TGFBR3: variants seen among roughly 807,000 people sequenced by gnomAD.
The protein encoded by TGFBR3 is transforming growth factor beta receptor type 3.
TGFBR3 carries 46 observed loss-of-function variants against 87.9 expected under a neutral mutation model. That is an observed-to-expected ratio of 0.52 (90% CI 0.41 to 0.67). The LOEUF is 0.67. Among genes scored for constraint, TGFBR3 ranks in the 30% least tolerant of loss-of-function variants. The pLI is 0.00. For synonymous variants in TGFBR3, 381 were observed against 391.6 expected, an observed-to-expected ratio of 0.97 and a Z score of 0.32; for missense variants, 866 against 1,041.9, an observed-to-expected ratio of 0.83 and a Z score of 2.32.
chr1:91,829,013 T>A (rs1676750323), intron 2 of TGFBR3, among the ~76,000 whole-genome samples: 1 of 152,034 alleles, frequency 6.6e-6, no homozygotes, highest in Non-Finnish European at 1.5e-5. Flanking sequence ...ATGCCAGCAC[T>A]CTCTACCTCC....
At chr1:91,902,966 G>A (rs1190883289) in intron 1 of TGFBR3, among the ~76,000 whole-genome samples, 1 of 149,176 alleles carries the variant, frequency 6.7e-6, no homozygotes, top group African/African-American at 2.5e-5. Context: ...ACTGGGTTTT[G>A]TGTATTTTTT....
chr1:91,690,880 T>A (rs1002919171), intron 16 of TGFBR3, among the ~76,000 whole-genome samples: 6 of 152,076 alleles, frequency 3.9e-5, no homozygotes, highest in Non-Finnish European at 8.8e-5. Flanking sequence ...AATCAATACA[T>A]CCCACCCACA....
At chr1:91,858,676 G>A (rs1678061207) in intron 2 of TGFBR3, among the ~76,000 whole-genome samples, 2 of 147,948 alleles carry the variant, frequency 1.4e-5, no homozygotes, top group South Asian at 2.2e-4. Context: ...ATTATGTTGT[G>A]CAAAAGGGAA....
At chr1:91,873,623 T>G (rs1199706312) in intron 1 of TGFBR3, among the ~76,000 whole-genome samples, 1 of 152,058 alleles carries the variant, frequency 6.6e-6, no homozygotes, top group African/African-American at 2.4e-5. Flanking sequence ...TTTAATGCCC[T>G]GAGTGCACCT....
intron 16 of TGFBR3, 119 bp from the exon 17 acceptor site, chr1:91,683,976 A>G: frequency 1.2e-6 from 1 of 846,514 alleles, no homozygotes; most frequent in Non-Finnish European, 1.9e-6. Context: ...CAACCAGGGC[A>G]GAAGCAACTA....
chr1:91,796,096 T>C (rs1400797423), intron 3 of TGFBR3, among the ~76,000 whole-genome samples: 1 of 152,192 alleles, frequency 6.6e-6, no homozygotes, highest in African/African-American at 2.4e-5. Context: ...TATACTTCAC[T>C]ATGATCAGGA....
At chr1:91,704,644 G>A (rs1016551306) in intron 14 of TGFBR3, among the ~76,000 whole-genome samples, 10 of 152,200 alleles carry the variant, frequency 6.6e-5, no homozygotes, top group African/African-American at 2.4e-4. Flanking sequence ...CTCAACAAAT[G>A]TTAGATCATC....
chr1:91,724,235 C>A (rs1199808406), intron 7 of TGFBR3, among the ~76,000 whole-genome samples: 132 of 152,128 alleles, frequency 8.7e-4, no homozygotes, highest in African/African-American at 2.9e-3. Flanking sequence ...AGGAAAGAAA[C>A]AAAGAGGAAG....
intron 4 of TGFBR3, chr1:91,755,023 C>T (rs1440566615): frequency 6.6e-6 from 1 of 152,150 alleles, no homozygotes; most frequent in Non-Finnish European, 1.5e-5. Flanking sequence ...GTCAAGAGAC[C>T]CATTCGCTTT....
intron 5 of TGFBR3, among the ~76,000 whole-genome samples, chr1:91,732,747 G>A (rs998591137): frequency 6.6e-6 from 1 of 152,114 alleles, no homozygotes; most frequent in Non-Finnish European, 1.5e-5. Context: ...TGTTACCAAG[G>A]AGTTAACAGT....
chr1:91,897,530 A>G (rs999167301), intron 2 of TGFBR3, among the ~76,000 whole-genome samples: 3 of 152,238 alleles, frequency 2.0e-5, no homozygotes, highest in Non-Finnish European at 4.4e-5. Flanking sequence ...TTGTGACAAG[A>G]TTAACTGAAT....
intron 2 of TGFBR3, among the ~76,000 whole-genome samples, chr1:91,811,654 A>G (rs573801864): frequency 2.6e-5 from 4 of 152,322 alleles, no homozygotes; most frequent in African/African-American, 7.2e-5. Context: ...GGTATAATTC[A>G]ATCAAATTGT....
In TGFBR3 at chr1:91,695,272, T is replaced by C. The variant is rs182617347; in HGVS notation, c.2437+400A>G. 9.7e-4 allele frequency among the ~76,000 whole-genome samples: 148 copies of C among 152,346 alleles called. 2 individuals carry two copies. The highest frequency in any genetic ancestry group is 1.8e-4 in the Non-Finnish European group (12 of 68,038). On this transcript the variant is annotated intron_variant, in intron 16 of 16. Transcript: ENST00000212355. ...GATTAAGGACTCTGATGGACAGTGC[T>C]CAATACCTTGGCAGGTGTGGTAATA...
chr1:91,746,732 T>C lies in TGFBR3; in HGVS notation c.385-11773A>G, dbSNP rs1379210930. Among the ~76,000 whole-genome samples the C allele has an allele frequency of 2.7e-5, 4 of 147,084 alleles. No homozygotes were observed. In the East Asian group the frequency reaches 8.4e-4, roughly 31 times the overall value. ...TCCTAGAATTCTCTTTATAGAGTTT[T>C]TTTTTTCATCAAGGCTGATAATCTC... On this transcript the variant is annotated intron_variant, in intron 4 of 16. Coordinates refer to ENST00000212355, the MANE Select transcript of TGFBR3 (RefSeq NM_003243.5).
chr1:91,790,348 C>T (rs999729422), intron 3 of TGFBR3, among the ~76,000 whole-genome samples: 2 of 152,104 alleles, frequency 1.3e-5, no homozygotes, highest in African/African-American at 4.8e-5. Flanking sequence ...ACCATATGGC[C>T]GAGGTGCGTA....
At chr1:91,835,176 C>T (rs1677012436) in intron 2 of TGFBR3, among the ~76,000 whole-genome samples, 1 of 152,154 alleles carries the variant, frequency 6.6e-6, no homozygotes, top group African/African-American at 2.4e-5. Context: ...AACCACAAAT[C>T]TGAGCCTTGC....
chr1:91,696,798 C>A (rs1416953471), intron 15 of TGFBR3, among the ~76,000 whole-genome samples: 1 of 152,160 alleles, frequency 6.6e-6, no homozygotes, highest in Non-Finnish European at 1.5e-5. Context: ...TAAATTAAAT[C>A]CCTGCCTTTC....
rs71586711 is a variant in TGFBR3, at chr1:91,753,390, C to CAAAAAAAA, written c.384+5215_384+5222dup. ...GAGTAAGGGAGTGAGACTCTGTCCT[C>CAAAAAAAA]AAAAAAAAAAAAAAAAAAAAAAAAA... On this transcript the variant is annotated intron_variant, in intron 4 of 16. Coordinates refer to ENST00000212355, the MANE Select transcript of TGFBR3 (RefSeq NM_003243.5). 2.7e-4 allele frequency among the ~76,000 whole-genome samples: 14 copies of CAAAAAAAA among 52,354 alleles called. 2 individuals are homozygous for CAAAAAAAA. Among genetic ancestry groups the CAAAAAAAA allele is most frequent in the African/African-American group, 1.2e-3 (13 of 11,272 alleles). 34.3% of individuals were successfully genotyped at this position (52,354 alleles called of 152,430 possible).
chr1:91,779,090 A>G (rs1417766175), intron 3 of TGFBR3, among the ~76,000 whole-genome samples: 1 of 152,180 alleles, frequency 6.6e-6, no homozygotes, highest in African/African-American at 2.4e-5. Flanking sequence ...GGAAAAGATC[A>G]TTCAGGGCTC....
Sources: gnomAD v4.1 joint callset for allele counts (sites outside exome capture counted in the v4.1 genomes callset) on GRCh38, gnomAD v4.1.1 for gene constraint, MANE v1.5 for transcripts, NCBI Gene and HGNC (gene_info 2026-07-23, HGNC 2026-07-21) for gene names.